TLL1: variants seen among roughly 807,000 people sequenced by gnomAD.
The protein encoded by TLL1 is tolloid-like protein 1.
TLL1 carries 49 observed loss-of-function variants against 128.2 expected under a neutral mutation model. The observed-to-expected ratio is 0.38, with a 90% CI of 0.30 to 0.48. The LOEUF (loss-of-function observed/expected upper bound fraction) is 0.48, where lower values mean the gene tolerates loss of function less well. Among genes scored for constraint, TLL1 ranks in the 20% least tolerant of loss-of-function variants. The pLI, the probability that TLL1 is intolerant of heterozygous loss-of-function variation, is 0.96. For missense variants in TLL1, 1,123 were observed against 1,242.0 expected (o/e 0.90, Z 1.44); for synonymous variants, 454 against 418.8 (o/e 1.08, Z -1.03).
rs201462639 is a variant in TLL1, at chr4:165,901,854, T to A, written c.169+27781T>A. On this transcript the variant is annotated intron_variant, in intron 1 of 20. Transcript: ENST00000061240. ...TAAAGCTGCAACCACAGCCACCCCT[T>A]ACCCCAGGTGCTCTGTCCCAGGGAG... is the stretch of plus-strand genomic sequence containing the variant. Among the ~76,000 whole-genome samples the A allele has an allele frequency of 7.9e-5, 12 of 152,290 alleles. No homozygotes were observed. The East Asian group carries it at 2.3e-3, about 29-fold the overall frequency.
At chr4:165,922,221 G>T (rs1171057479) in intron 1 of TLL1, among the ~76,000 whole-genome samples, 1 of 152,136 alleles carries the variant, frequency 6.6e-6, no homozygotes, top group Admixed American at 6.5e-5. Flanking sequence ...GGCCTTCATA[G>T]TTTAAACAAC....
chr4:165,918,259 G>T, intron 1 of TLL1, among the ~76,000 whole-genome samples: 1 of 152,064 alleles, frequency 6.6e-6, no homozygotes, highest in East Asian at 1.9e-4. Flanking sequence ...AGATTTAAGG[G>T]TGACAGAATG....
intron 8 of TLL1, among the ~76,000 whole-genome samples, chr4:166,024,606 T>G (rs1433688109): frequency 6.6e-6 from 1 of 152,226 alleles, no homozygotes; most frequent in African/African-American, 2.4e-5. Flanking sequence ...CAGATCCTGA[T>G]GCTATGCAGC....
intron 13 of TLL1, among the ~76,000 whole-genome samples, chr4:166,056,630 T>A (rs1740019384): frequency 6.6e-6 from 1 of 152,174 alleles, no homozygotes; most frequent in Non-Finnish European, 1.5e-5. Context: ...ATATATCTAT[T>A]AAGCTATAAT....
chr4:165,875,690 T>C (rs998822700), intron 1 of TLL1, among the ~76,000 whole-genome samples: 4 of 152,248 alleles, frequency 2.6e-5, no homozygotes, highest in African/African-American at 9.6e-5. Flanking sequence ...AAGAAATTTC[T>C]TTTGAATAAT....
chr4:165,918,163 G>T (rs1468949709), intron 1 of TLL1, among the ~76,000 whole-genome samples: 2 of 152,030 alleles, frequency 1.3e-5, no homozygotes, highest in Non-Finnish European at 2.9e-5. Context: ...AATTGTCAAG[G>T]TTATATTTAT....
At chr4:165,966,353 A>G (rs879691882) in intron 1 of TLL1, among the ~76,000 whole-genome samples, 10 of 152,138 alleles carry the variant, frequency 6.6e-5, no homozygotes, top group Non-Finnish European at 1.5e-4. Context: ...TTTGTGGCTT[A>G]TGGAAGTCAC....
At chr4:166,019,298 T>C (rs934345399) in intron 8 of TLL1, among the ~76,000 whole-genome samples, 1 of 152,128 alleles carries the variant, frequency 6.6e-6, no homozygotes, top group African/African-American at 2.4e-5. Context: ...CACTGTGGAC[T>C]ACTAGAGGGG....
chr4:165,880,988 C>A (rs1415150393), intron 1 of TLL1, among the ~76,000 whole-genome samples: 1 of 152,192 alleles, frequency 6.6e-6, no homozygotes, highest in African/African-American at 2.4e-5. Flanking sequence ...ACCACCTTGG[C>A]ATTAGCTCAG....
intron 3 of TLL1, among the ~76,000 whole-genome samples, 187 bp from the exon 4 acceptor site, chr4:165,994,194 A>G (rs1736761461): frequency 6.6e-6 from 1 of 152,206 alleles, no homozygotes; most frequent in Non-Finnish European, 1.5e-5. Context: ...GACATGAAAT[A>G]CTTCAATATT....
chr4:166,027,378 A>G (rs1033082486), intron 9 of TLL1, among the ~76,000 whole-genome samples: 1 of 152,168 alleles, frequency 6.6e-6, no homozygotes, highest in South Asian at 2.1e-4. Context: ...TTTTTTTAAA[A>G]GTTTGATGTT....
chr4:165,878,786 G>A (rs573332538), intron 1 of TLL1, among the ~76,000 whole-genome samples: 32 of 152,174 alleles, frequency 2.1e-4, no homozygotes, highest in African/African-American at 7.2e-4. Flanking sequence ...TAGGTGCCCA[G>A]TCAACCCTAC....
chr4:165,877,576 G>A (rs772909058), intron 1 of TLL1, among the ~76,000 whole-genome samples: 8 of 152,322 alleles, frequency 5.3e-5, no homozygotes, highest in Non-Finnish European at 8.8e-5. Context: ...GTGAATCTGA[G>A]TATTAATATC....
intron 8 of TLL1, among the ~76,000 whole-genome samples, chr4:166,023,819 G>A (rs1428245833): frequency 6.6e-6 from 1 of 151,962 alleles, no homozygotes; most frequent in Admixed American, 6.6e-5. Flanking sequence ...TTATTTAATT[G>A]TACTTGAGGA....
At chr4:166,058,009 C>G (rs116034614) in intron 14 of TLL1, among the ~76,000 whole-genome samples, 1,702 of 152,258 alleles carry the variant, frequency 0.011, 42 homozygotes, top group African/African-American at 0.038. Context: ...AAATCTACAT[C>G]TAGACCTAGA....
intron 1 of TLL1, among the ~76,000 whole-genome samples, chr4:165,938,073 C>T (rs1733846389): frequency 6.6e-6 from 1 of 151,854 alleles, no homozygotes; most frequent in Admixed American, 6.6e-5. Context: ...CTTTCTGGTA[C>T]ACCATGTGCT....
intron 1 of TLL1, among the ~76,000 whole-genome samples, chr4:165,986,041 C>T (rs1736380179): frequency 6.6e-6 from 1 of 151,700 alleles, no homozygotes; most frequent in African/African-American, 2.4e-5. Flanking sequence ...TCTGATCTCA[C>T]TAACCTCAAA....
At chr4:165,966,544 T>A (rs919100711) in intron 1 of TLL1, among the ~76,000 whole-genome samples, 15 of 152,172 alleles carry the variant, frequency 9.9e-5, no homozygotes, top group Admixed American at 6.5e-4. Flanking sequence ...GATATTTCAA[T>A]GTAGGTTATT....
chr4:166,030,579 C>T, intron 9 of TLL1: 1 of 549,376 alleles, frequency 1.8e-6, no homozygotes, highest in Non-Finnish European at 3.1e-6. Context: ...AAATCATGGC[C>T]ATATGTAATG....
Sources: allele counts gnomAD v4.1 joint callset (sites outside exome capture counted in the v4.1 genomes callset), GRCh38; gene constraint gnomAD v4.1.1; transcripts MANE v1.5; gene names NCBI Gene and HGNC (gene_info 2026-07-23, HGNC 2026-07-21).